The following PHACTR2 variants were observed in gnomAD, a reference collection of about 807,000 sequenced individuals.
PHACTR2 encodes chromosome 6 open reading frame 56.
Under a neutral mutation model 76.0 loss-of-function variants are expected in PHACTR2, and 30 were observed. That is an observed-to-expected ratio of 0.39 (90% CI 0.30 to 0.54). PHACTR2 has a LOEUF of 0.54. Among genes scored for constraint, PHACTR2 ranks in the 20% least tolerant of loss-of-function variants. The pLI is 0.61. For synonymous variants in PHACTR2, 292 were observed against 292.5 expected (o/e 1.00, Z 0.02); for missense variants, 696 against 781.1 (o/e 0.89, Z 1.30).
chr6:143,549,218 G>T lies in PHACTR2; in HGVS notation c.217+12011G>T, dbSNP rs1775051222. ...CCTCATTCCTTCAGGAAGATTAATA[G>T]TGGGCCTCACATGGCAGATCAGGCC... On this transcript the variant is annotated intron_variant, in intron 1 of 11. Coordinates refer to the PHACTR2 transcript ENST00000367584. The surrounding 1 kb of genome is among the most constrained non-coding windows in gnomAD (Gnocchi z 4.2). Among the ~76,000 whole-genome samples, 1 of 151,956 alleles carries T rather than the reference G, an allele frequency of 6.6e-6. No homozygotes were observed. The highest frequency in any genetic ancestry group is 1.5e-5 in the Non-Finnish European group (1 of 67,948).
At chr6:143,778,954 C>T (rs1775350532) in intron 9 of PHACTR2, among the ~76,000 whole-genome samples, 1 of 152,152 alleles carries the variant, frequency 6.6e-6, no homozygotes, top group Non-Finnish European at 1.5e-5. Flanking sequence ...TCCCATTTTC[C>T]TGGAGGTTTG....
At chr6:143,559,690 CTTTTTTTTTTTTTTTTTTTTT>C (rs5880566) in intron 1 of PHACTR2, among the ~76,000 whole-genome samples, 201 of 31,914 alleles carry the variant, frequency 6.3e-3, no homozygotes, top group African/African-American at 0.024. Context: ...TTTTTCTTTT[CTTTTTTTTTTTTTTTTTTTTT>C]TTTTTTTTTT....
At chr6:143,613,166 G>T (rs545628418) in intron 1 of PHACTR2, among the ~76,000 whole-genome samples, 29 of 152,302 alleles carry the variant, frequency 1.9e-4, no homozygotes, top group Middle Eastern at 6.8e-3. Context: ...CAGTAGAGAC[G>T]GGGTTTCACC....
intron 9 of PHACTR2, among the ~76,000 whole-genome samples, chr6:143,779,289 C>T (rs547062327): frequency 1.9e-4 from 29 of 151,480 alleles, no homozygotes; most frequent in African/African-American, 6.8e-4. Context: ...TGTTCAAGAA[C>T]AGTAGAAAAG....
Position 143,678,106 on chromosome 6 carries a change from A to G in PHACTR2, c.-58A>G. ...TGGAAGTCTGGCTGGGAGCGGACCC[A>G]TGATCGAAGGACCAAAGGAGCCGCT... On this transcript the variant is annotated 5_prime_UTR_variant, in exon 1 of 13. The change abolishes an upstream ATG in the 5' untranslated region. Transcript: ENST00000440869. The surrounding 1 kb of genome is among the most constrained non-coding windows in gnomAD (Gnocchi z 6.2). The G allele has an allele frequency of 5.2e-6, 8 of 1,544,954 alleles. No individual in the cohort carries two copies. The South Asian group carries it at 8.3e-5, about 16-fold the overall frequency.
chr6:143,706,298 C>T (rs887747161), intron 1 of PHACTR2, among the ~76,000 whole-genome samples: 8 of 152,138 alleles, frequency 5.3e-5, no homozygotes, highest in East Asian at 1.9e-4. Flanking sequence ...AAGATCTGTG[C>T]GTTGGGCGTG....
rs1186518276 is a variant in PHACTR2 at position 143,807,605 on chromosome 6, G to A, written c.1922+472G>A. On this transcript the variant is annotated intron_variant, in intron 12 of 12. Coordinates refer to ENST00000440869, the MANE Select transcript of PHACTR2 (RefSeq NM_001100164.2). This position sits in a 1 kb window ranked among gnomAD's most constrained non-coding sequence, Gnocchi z 5.5. ...AGACTTAGTTGAAGTTGTATGCCCAGAATAGATGCTGGCGAGAGTCAGTGT... is the reference window on the plus strand; with the variant it reads ...AGACTTAGTTGAAGTTGTATGCCCAAAATAGATGCTGGCGAGAGTCAGTGT... Among the ~76,000 whole-genome samples the A allele has an allele frequency of 1.3e-5, 2 of 152,188 alleles. No homozygotes were observed. The highest frequency in any genetic ancestry group is 2.9e-5 in the Non-Finnish European group (2 of 68,038).
intron 2 of PHACTR2, among the ~76,000 whole-genome samples, chr6:143,747,856 G>T (rs1341838493): frequency 6.6e-6 from 1 of 152,190 alleles, no homozygotes; most frequent in African/African-American, 2.4e-5. Flanking sequence ...CTTGGCCCCT[G>T]AAAGTGAGGA....
At position 143,678,256 on chromosome 6, in the gene PHACTR2, G is replaced by C. The variant is rs889248651; in HGVS notation, c.46+47G>C. On this transcript the variant is annotated intron_variant, in intron 1 of 12. Transcript: ENST00000440869. This position sits in a 1 kb window ranked among gnomAD's most constrained non-coding sequence, Gnocchi z 6.2. ...TGCGCTCCCGCCGCGCGGGCGCAGG[G>C]CTGGCGGCGGGGCCCCGGGGCAGGC... The C allele has an allele frequency of 8.5e-6, 12 of 1,407,644 alleles. No individual in the cohort carries two copies. The Admixed American group carries it at 1.1e-4, about 13-fold the overall frequency. The allele number at this position is 1,407,644 out of a possible 1,614,324, so 87.2% of individuals were successfully genotyped here. A position where few individuals can be genotyped will look rare whatever the true frequency, so the allele number is the denominator to read the frequency against.
At chr6:143,552,193 GA>G (rs201716008) in intron 1 of PHACTR2, among the ~76,000 whole-genome samples, 85 of 150,272 alleles carry the variant, frequency 5.7e-4, no homozygotes, top group African/African-American at 1.8e-3. Context: ...GCCACAGCTG[GA>G]AAAAAAAAAT....
At chr6:143,601,791 G>A (rs1775817059) in intron 1 of PHACTR2, among the ~76,000 whole-genome samples, 1 of 152,032 alleles carries the variant, frequency 6.6e-6, no homozygotes, top group African/African-American at 2.4e-5. Flanking sequence ...CGCTTTTTAT[G>A]TATTAGCAAT....
intron 1 of PHACTR2, among the ~76,000 whole-genome samples, chr6:143,573,916 C>T (rs9321921): frequency 0.69 from 104,690 of 152,042 alleles, 36,307 homozygotes; most frequent in Middle Eastern, 0.76. Flanking sequence ...CCTGTTTTCG[C>T]TTTCTATTAT....
Position 143,783,432 on chromosome 6 carries a change from C to A in PHACTR2, c.1707+152C>A. On this transcript the variant is annotated intron_variant, in intron 10 of 12. Transcript: ENST00000440869. This position sits in a 1 kb window ranked among gnomAD's most constrained non-coding sequence, Gnocchi z 5.2. ...TAGACATCAAAATCACAAGCCTGGG[C>A]AACATGGTGAAACCCTAGCTCTACA... is the stretch of plus-strand genomic sequence containing the variant. The A allele has an allele frequency of 3.9e-6, 2 of 509,592 alleles. No homozygotes were observed. The highest frequency in any genetic ancestry group is 7.0e-6 in the Non-Finnish European group (2 of 284,242). 31.6% of individuals were successfully genotyped at this position (509,592 alleles called of 1,614,324 possible).
rs780252736 is a variant in PHACTR2 at position 143,624,699 on chromosome 6, G to A, written c.13+16377G>A. On this transcript the variant is annotated intron_variant, in intron 1 of 11. Transcript: ENST00000305766. The surrounding 1 kb of genome is among the most constrained non-coding windows in gnomAD (Gnocchi z 4.6). Reference sequence around the variant, plus strand: ...GCCCTTGAGGAGCTCCAGGCCTAAAGCTGGAACCCCACGGTTGCCCTGGAT... The same window carrying A: ...GCCCTTGAGGAGCTCCAGGCCTAAAACTGGAACCCCACGGTTGCCCTGGAT... Among the ~76,000 whole-genome samples the A allele has an allele frequency of 2.0e-5, 3 of 152,098 alleles. No homozygotes were observed. The highest frequency in any genetic ancestry group is 2.9e-5 in the Non-Finnish European group (2 of 68,020).
Position 143,562,871 on chromosome 6 carries a change from C to T in PHACTR2, c.217+25664C>T, listed in dbSNP as rs1320395625. ...AAACATTCTGCTCAATGAAATAAGCCAGACACAGATGGATAAATATTGTAT... is the reference window on the plus strand; with the variant it reads ...AAACATTCTGCTCAATGAAATAAGCTAGACACAGATGGATAAATATTGTAT... On this transcript the variant is annotated intron_variant, in intron 1 of 11. Transcript: ENST00000367584. This position sits in a 1 kb window ranked among gnomAD's most constrained non-coding sequence, Gnocchi z 5.1. 1.3e-5 allele frequency among the ~76,000 whole-genome samples: 2 copies of T among 152,100 alleles called. No individual in the cohort carries two copies. The highest frequency in any genetic ancestry group is 4.8e-5 in the African/African-American group (2 of 41,410).
At chr6:143,613,654 A>AT (rs745715211) in intron 1 of PHACTR2, among the ~76,000 whole-genome samples, 1 of 152,166 alleles carries the variant, frequency 6.6e-6, no homozygotes, top group Non-Finnish European at 1.5e-5. Flanking sequence ...ATGAATTGTG[A>AT]TTTTTCTGTA....
chr6:143,573,589 T>TCCC (rs139559964), intron 1 of PHACTR2, among the ~76,000 whole-genome samples: 92,702 of 151,248 alleles, frequency 0.61, 28,698 homozygotes, highest in Middle Eastern at 0.72. Context: ...TTTTTTTTTT[T>TCCC]CTAAGTATTT....
At chr6:143,729,936 C>T (rs1778663902) in intron 2 of PHACTR2, among the ~76,000 whole-genome samples, 1 of 131,670 alleles carries the variant, frequency 7.6e-6, no homozygotes, top group Non-Finnish European at 1.6e-5. Context: ...TTTGTTGAAA[C>T]GACTATTACC....
rs973208501 is a variant in PHACTR2, at chr6:143,722,189, G to A, written c.214+10006G>A. On this transcript the variant is annotated intron_variant, in intron 2 of 12. Transcript: ENST00000440869. This position sits in a 1 kb window ranked among gnomAD's most constrained non-coding sequence, Gnocchi z 4.1. Reference sequence around the variant, plus strand: ...ATATCACCCAGAGCCTCCTAACAGGGTGATCTGTTTTATTTTTTTATAACA... The same window carrying A: ...ATATCACCCAGAGCCTCCTAACAGGATGATCTGTTTTATTTTTTTATAACA... Among the ~76,000 whole-genome samples, 1 of 152,088 alleles carries A rather than the reference G, an allele frequency of 6.6e-6. No individual in the cohort carries two copies. The highest frequency in any genetic ancestry group is 2.4e-5 in the African/African-American group (1 of 41,404).
Sources: gnomAD v4.1 joint callset for allele counts (sites outside exome capture counted in the v4.1 genomes callset) on GRCh38, gnomAD v4.1.1 for gene constraint, Gnocchi (gnomAD v3.1) non-coding constraint, MANE v1.5 for transcripts, NCBI Gene and HGNC (gene_info 2026-07-23, HGNC 2026-07-21) for gene names.